GRM4: variants seen among roughly 807,000 people sequenced by gnomAD.
The protein encoded by GRM4 is metabotropic glutamate receptor 4.
Under a neutral mutation model 81.7 loss-of-function variants are expected in GRM4, and 28 were observed. The observed-to-expected ratio is 0.34, with a 90% confidence interval of 0.25 to 0.47. GRM4 has a LOEUF of 0.47. Ranked by LOEUF, GRM4 falls within the 20% of genes least tolerant of loss-of-function variation. GRM4 has a pLI of 1.00. For missense variants in GRM4, 948 were observed against 1,290.0 expected, an observed-to-expected ratio of 0.73 and a Z score of 4.06; for synonymous variants, 488 against 528.8, an observed-to-expected ratio of 0.92 and a Z score of 1.06.
intron 2 of GRM4, among the ~76,000 whole-genome samples, chr6:34,122,553 A>T (rs1353044560): frequency 2.0e-5 from 3 of 151,174 alleles, no homozygotes; most frequent in Non-Finnish European, 4.4e-5. Context: ...TCTGGGTCAT[A>T]AAAATGCTAG....
upstream of GRM4, among the ~76,000 whole-genome samples, chr6:34,148,226 A>T (rs1770978621): frequency 6.6e-6 from 1 of 151,988 alleles, no homozygotes; most frequent in African/African-American, 2.4e-5. Context: ...GGGCCTCCAG[A>T]CCATCACAGT....
At chr6:34,082,713 C>T (rs1395410271) in intron 3 of GRM4, among the ~76,000 whole-genome samples, 2 of 152,260 alleles carry the variant, frequency 1.3e-5, no homozygotes, top group Admixed American at 6.5e-5. Context: ...CCGGCCCACC[C>T]GGCAAGCACC....
At chr6:34,146,481 G>T (rs377042584), upstream of GRM4, among the ~76,000 whole-genome samples, 8 of 152,312 alleles carry the variant, frequency 5.3e-5, no homozygotes, top group South Asian at 1.7e-3. Flanking sequence ...CTTCCCAGAG[G>T]GGGCTTGAAA....
At chr6:34,040,496 G>T in intron 7 of GRM4, 52 bp downstream of exon 7, 1 of 1,536,462 alleles carries the variant, frequency 6.5e-7, no homozygotes, top group Non-Finnish European at 8.9e-7. Flanking sequence ...CCCTCCCCTC[G>T]GGCATGGCCC....
chr6:34,148,310 G>T (rs533952277), upstream of GRM4, among the ~76,000 whole-genome samples: 3 of 152,120 alleles, frequency 2.0e-5, no homozygotes, highest in African/African-American at 7.2e-5. Context: ...TCTCACTCTT[G>T]TTCTCTCTGC....
Position 34,056,585 on chromosome 6 carries a change from C to T in GRM4, c.1127G>A (p.Arg376His), listed in dbSNP as rs771306231. Reference protein sequence around the residue: ...WEDNFHCKLSRHALKKGSHVK... With the variant: ...WEDNFHCKLSHHALKKGSHVK... ...GTGGCTGCCCTTCTTGAGGGCGTGG[C>T]GGCTCAGCTTGCAGTGGAAGTTGTC... Residue 376 changes from arginine (R) to histidine (H), a missense_variant, in exon 6 of 11, where the codon CGC becomes CAC. Arg to His is a conservative substitution (Grantham distance 29). Transcript: ENST00000538487. The T allele has an allele frequency of 6.2e-7, 1 of 1,613,286 alleles. No homozygotes were observed. Among genetic ancestry groups the T allele is most frequent in the Non-Finnish European group, 8.5e-7 (1 of 1,179,860 alleles).
At chr6:34,153,835 G>A (rs535622522) in intron 1 of GRM4, among the ~76,000 whole-genome samples, 1 of 151,818 alleles carries the variant, frequency 6.6e-6, no homozygotes, top group Admixed American at 6.6e-5. Context: ...GCTGAGGCAT[G>A]AGAATCACTT....
intron 2 of GRM4, among the ~76,000 whole-genome samples, chr6:34,125,023 G>A (rs1226300687): frequency 6.6e-6 from 1 of 152,004 alleles, no homozygotes; most frequent in Non-Finnish European, 1.5e-5. Flanking sequence ...GCCCAGGCTG[G>A]AGTGCGGTGG....
chr6:34,073,321 C>CCA (rs1234025131), intron 3 of GRM4, among the ~76,000 whole-genome samples: 7 of 62,010 alleles, frequency 1.1e-4, no homozygotes, highest in African/African-American at 3.2e-4. Flanking sequence ...CAGATACACA[C>CCA]CACACACACA....
rs114301827 is a variant in GRM4, at chr6:34,048,132, C to A, written c.1169-7384G>T. Among the ~76,000 whole-genome samples the A allele has an allele frequency of 1.5e-3, 225 of 152,248 alleles. 1 individual carries two copies. Among genetic ancestry groups the A allele is most frequent in the African/African-American group, 5.1e-3 (210 of 41,528 alleles). ...TCCTCACGGCACTCCTGTGTCCCTG[C>A]GAATCTGGCCTCAAGAATGTGTCCT... On this transcript the variant is annotated intron_variant, in intron 6 of 10. Coordinates refer to ENST00000538487, the MANE Select transcript of GRM4 (RefSeq NM_000841.4). This position sits in a 1 kb window ranked among gnomAD's most constrained non-coding sequence, Gnocchi z 4.0.
Position 34,069,202 on chromosome 6 carries a change from A to ACACACACGCACGCACG in GRM4, c.737-7175_737-7174insCGTGCGTGCGTGTGTG. Among the ~76,000 whole-genome samples the ACACACACGCACGCACG allele has an allele frequency of 2.8e-5, 4 of 142,292 alleles. No individual in the cohort carries two copies. The South Asian group carries it at 8.7e-4, about 31-fold the overall frequency. The allele number at this position is 142,292 out of a possible 152,430, so 93.3% of individuals were successfully genotyped here. On this transcript the variant is annotated intron_variant, in intron 3 of 10. Coordinates refer to ENST00000538487, the MANE Select transcript of GRM4 (RefSeq NM_000841.4). The surrounding 1 kb of genome is among the most constrained non-coding windows in gnomAD (Gnocchi z 6.4). ...CACACACACACACACACACACACACACACGCACGCACACACGGCTCCTTCC... is the reference window on the plus strand; with the variant it reads ...CACACACACACACACACACACACACACACACACGCACGCACGCACGCACGCACACACGGCTCCTTCC...
At chr6:34,141,501 C>T (rs986279966) in intron 1 of GRM4, among the ~76,000 whole-genome samples, 4 of 152,194 alleles carry the variant, frequency 2.6e-5, no homozygotes, top group African/African-American at 9.7e-5. Context: ...TGTACACATA[C>T]ATTGATGCCT....
chr6:34,107,036 T>G (rs375296573), intron 2 of GRM4, among the ~76,000 whole-genome samples: 1 of 152,234 alleles, frequency 6.6e-6, no homozygotes, highest in African/African-American at 2.4e-5. Context: ...GGCTGGAGGC[T>G]GGCCCCTCCC....
chr6:34,044,316 AC>A (rs1765187744), intron 6 of GRM4, among the ~76,000 whole-genome samples: 1 of 150,872 alleles, frequency 6.6e-6, no homozygotes, highest in South Asian at 2.1e-4. Flanking sequence ...ACATATATAC[AC>A]AGACACACAT....
At position 34,028,214 on chromosome 6, in the gene GRM4, C is replaced by T. The variant is rs755981862; in HGVS notation, c.2595G>A (p.Thr865=). 45 of 1,613,958 alleles carry T rather than the reference C, an allele frequency of 2.8e-5. No individual in the cohort carries two copies. The highest frequency in any genetic ancestry group is 5.0e-5 in the Admixed American group (3 of 60,016). ...KRKRSLKAVV[T]AATMSNKFTQ... The stretch of plus-strand genomic sequence containing the variant: ...TGAACTTGTTGGACATGGTGGCCGC[C>T]GTAACGACGGCTTTGAGGCTGCGCT... The change falls in exon 10 of 11, where the codon ACG becomes ACA. Residue 865 remains threonine (T), a synonymous_variant. Coordinates refer to ENST00000538487, the MANE Select transcript of GRM4 (RefSeq NM_000841.4).
intron 8 of GRM4, among the ~76,000 whole-genome samples, chr6:34,038,665 G>C (rs1764835669): frequency 7.2e-6 from 1 of 138,156 alleles, no homozygotes; most frequent in African/African-American, 3.3e-5. Context: ...GATGGTTAAA[G>C]TCCAACCCCA....
Position 34,133,871 on chromosome 6 carries a change from A to AAG in GRM4, c.-363-14_-363-13dup, listed in dbSNP as rs1456621191. ...CTCCTCCTACCAACCTTAGAAGGGGAAGAGAGAGAGAGAATATCAAACAGA... is the reference window on the plus strand; with the variant it reads ...CTCCTCCTACCAACCTTAGAAGGGGAAGAGAGAGAGAGAGAATATCAAACAGA... On this transcript the variant is annotated splice_polypyrimidine_tract_variant and intron_variant, in intron 1 of 10. Transcript: ENST00000538487. This position sits in a 1 kb window ranked among gnomAD's most constrained non-coding sequence, Gnocchi z 6.5. 13 of 1,032,978 alleles carry AAG rather than the reference A, an allele frequency of 1.3e-5. No individual in the cohort carries two copies. The highest frequency in any genetic ancestry group is 1.5e-5 in the Non-Finnish European group (13 of 859,624). 64.0% of individuals were successfully genotyped at this position (1,032,978 alleles called of 1,614,324 possible). A position where few individuals can be genotyped will look rare whatever the true frequency, so the allele number is the denominator to read the frequency against.
chr6:34,093,753 A>G (rs901305776), intron 2 of GRM4, among the ~76,000 whole-genome samples: 2 of 152,194 alleles, frequency 1.3e-5, no homozygotes, highest in Non-Finnish European at 2.9e-5. Flanking sequence ...TGCCAAAAGC[A>G]TGGCCCAGCT....
chr6:34,073,294 ATC>A (rs375100802), intron 3 of GRM4, among the ~76,000 whole-genome samples: 11 of 97,020 alleles, frequency 1.1e-4, no homozygotes, highest in South Asian at 4.4e-4. Context: ...CCACACACAC[ATC>A]CACACATCAC....
Sources: gnomAD v4.1 joint callset for allele counts (sites outside exome capture counted in the v4.1 genomes callset) on GRCh38, gnomAD v4.1.1 for gene constraint, Gnocchi (gnomAD v3.1) non-coding constraint, MANE v1.5 for transcripts, NCBI Gene and HGNC (gene_info 2026-07-23, HGNC 2026-07-21) for gene names.